The following TRIM14 variants were observed in gnomAD, a reference collection of about 807,000 sequenced individuals.
TRIM14 encodes tripartite motif-containing protein 14.
In TRIM14, 28 loss-of-function variants were observed where a neutral mutation model predicts 44.5. That is an observed-to-expected ratio of 0.63 (90% CI 0.47 to 0.86). The LOEUF (loss-of-function observed/expected upper bound fraction) is 0.86. Ranked by LOEUF, TRIM14 falls within the 40% of genes least tolerant of loss-of-function variation. TRIM14 has a pLI of 0.00. For missense variants in TRIM14, 607 were observed against 611.1 expected (o/e 0.99, Z 0.07); for synonymous variants, 299 against 269.2 (o/e 1.11, Z -1.08).
chr9:98,112,795 C>T (rs547855065), intron 1 of TRIM14, among the ~76,000 whole-genome samples: 5 of 65,416 alleles, frequency 7.6e-5, no homozygotes, highest in Admixed American at 7.4e-4. Flanking sequence ...AAGACTCAAT[C>T]TCAAAAAAAA....
chr9:98,052,839 C>A, the TRIM14 span, among the ~76,000 whole-genome samples: 3 of 152,138 alleles, frequency 2.0e-5, no homozygotes, highest in African/African-American at 7.2e-5. Flanking sequence ...GCCAGGACAG[C>A]CAATATTTCT....
In TRIM14 at chr9:98,076,640, G is replaced by A. The variant is rs1829605014; in HGVS notation, c.*29-6953C>T. 5.0e-5 allele frequency: 19 copies of A among 376,660 alleles called. No homozygotes were observed. In the South Asian group the frequency reaches 5.6e-4, roughly 11 times the overall value. 23.3% of individuals were successfully genotyped at this position (376,660 alleles called of 1,614,324 possible). A position where few individuals can be genotyped will look rare whatever the true frequency, so the allele number is the denominator to read the frequency against. On this transcript the variant is annotated intron_variant, in intron 6 of 6. Transcript: ENST00000375098. ...TCTGCCCGCCTCGGCCTCCCAAAGTGCAGGCATGAGCCACCACGCCCAGCC... is the reference window on the plus strand; with the variant it reads ...TCTGCCCGCCTCGGCCTCCCAAAGTACAGGCATGAGCCACCACGCCCAGCC...
intron 1 of TRIM14, among the ~76,000 whole-genome samples, chr9:98,118,110 A>T (rs1827118207): frequency 6.6e-6 from 1 of 152,000 alleles, no homozygotes; most frequent in Non-Finnish European, 1.5e-5. Flanking sequence ...ATCACAGAAG[A>T]CTTCTTGGAG....
intron 3 of TRIM14, 76 bp downstream of exon 3, chr9:98,099,855 G>C (rs1826323747): frequency 4.5e-6 from 6 of 1,329,750 alleles, no homozygotes; most frequent in Non-Finnish European, 6.4e-6. Flanking sequence ...TGTCAATACT[G>C]TGCTCAATGC....
In TRIM14 at chr9:98,087,864, A is replaced by T; in HGVS notation, c.935T>A (p.Leu312Gln). The T allele has an allele frequency of 6.4e-7, 1 of 1,564,538 alleles. No homozygotes were observed. Among genetic ancestry groups the T allele is most frequent in the South Asian group, 1.2e-5 (1 of 86,646 alleles). ...GCCGGTGGCGAAGCAGTCACGAGCC[A>T]GCACTTGCCAGAGCGCGTCGAACCG... ...VLRFDALWQVLARDCFATGRH... is the reference protein window; with the variant it reads ...VLRFDALWQVQARDCFATGRH... Residue 312 changes from leucine (L) to glutamine (Q), a missense_variant, in exon 6 of 6, where the codon CTG (leucine) becomes CAG (glutamine). Around this residue, in one of 3 missense-constraint regions of TRIM14, gnomAD observed 356 missense variants for 323.0 expected, o/e 1.10. Coordinates refer to ENST00000341469, the MANE Select transcript of TRIM14 (RefSeq NM_014788.4).
chr9:98,088,389 C>G (rs778135115), intron 5 of TRIM14, among the ~76,000 whole-genome samples: 19 of 151,932 alleles, frequency 1.3e-4, no homozygotes, highest in Admixed American at 2.6e-4. Flanking sequence ...GAGTCTCGCT[C>G]TGTTGCCCAG....
chr9:98,051,330 A>G, the TRIM14 span, among the ~76,000 whole-genome samples: 1 of 152,224 alleles, frequency 6.6e-6, no homozygotes, highest in Admixed American at 6.5e-5. Flanking sequence ...TTAACTAAGC[A>G]GTCTTTCCAC....
At chr9:98,062,969 C>G in the TRIM14 span, among the ~76,000 whole-genome samples, 1 of 151,890 alleles carries the variant, frequency 6.6e-6, no homozygotes, top group Non-Finnish European at 1.5e-5. Flanking sequence ...TGGAGTCTCA[C>G]TCTGTCACCC....
chr9:98,109,538 C>T (rs1004071049), intron 2 of TRIM14, among the ~76,000 whole-genome samples: 1 of 152,158 alleles, frequency 6.6e-6, no homozygotes, highest in African/African-American at 2.4e-5. Flanking sequence ...AAAGAGATAT[C>T]TGCATATTCC....
chr9:98,102,264 T>A (rs921276373), intron 2 of TRIM14, among the ~76,000 whole-genome samples: 1 of 152,164 alleles, frequency 6.6e-6, no homozygotes, highest in African/African-American at 2.4e-5. Flanking sequence ...TTGCAGACAG[T>A]CTTCTTTCTG....
chr9:98,090,626 C>T (rs944791151), intron 5 of TRIM14, among the ~76,000 whole-genome samples: 18 of 143,652 alleles, frequency 1.3e-4, no homozygotes, highest in African/African-American at 3.7e-4. Context: ...TGCAGTAGTG[C>T]GACCTCGGCT....
In TRIM14 at chr9:98,084,565, T is replaced by C. The variant is rs1825696803; in HGVS notation, c.*2905A>G. 1 of 152,244 alleles carries C rather than the reference T, an allele frequency of 6.6e-6. No homozygotes were observed. The highest frequency in any genetic ancestry group is 2.4e-5 in the African/African-American group (1 of 41,452). 9.4% of individuals were successfully genotyped at this position (152,244 alleles called of 1,614,324 possible). A position where few individuals can be genotyped will look rare whatever the true frequency, so the allele number is the denominator to read the frequency against. On this transcript the variant is annotated 3_prime_UTR_variant, in exon 6 of 6. Transcript: ENST00000341469. Reference sequence around the variant, plus strand: ...AGAATATTCTAGTAGCTCCTGCTGCTGCCACATGGCAGCTGGGAATACCAG... The same window carrying C: ...AGAATATTCTAGTAGCTCCTGCTGCCGCCACATGGCAGCTGGGAATACCAG...
the TRIM14 span, among the ~76,000 whole-genome samples, chr9:98,045,890 T>C: frequency 6.6e-6 from 1 of 152,136 alleles, no homozygotes. Context: ...CTTTGAGCTC[T>C]CCGAGTTTCT....
the TRIM14 span, among the ~76,000 whole-genome samples, chr9:98,037,837 T>G: frequency 2.6e-5 from 4 of 152,096 alleles, no homozygotes; most frequent in African/African-American, 9.7e-5. Context: ...TTCTCCAAAC[T>G]AAGTTCTTCC....
chr9:98,087,937 T>C lies in TRIM14; in HGVS notation c.862A>G (p.Thr288Ala). 1 of 1,566,834 alleles carries C rather than the reference T, an allele frequency of 6.4e-7. No homozygotes were observed. The highest frequency in any genetic ancestry group is 8.6e-7 in the Non-Finnish European group (1 of 1,166,746). ...ARLRLSADRLTVRCGLLGSLG... is the reference protein window; with the variant it reads ...ARLRLSADRLAVRCGLLGSLG... ...CTGCCCAGCAGGCCGCAGCGCACCG[T>C]CAGGCGATCGGCGGACAGGCGCAGG... Residue 288 changes from threonine (T) to alanine (A), a missense_variant, in exon 6 of 6, where the codon ACG (threonine) becomes GCG (alanine). Transcript: ENST00000341469.
intron 5 of TRIM14, among the ~76,000 whole-genome samples, chr9:98,091,254 A>G (rs1213708841): frequency 2.0e-5 from 3 of 152,242 alleles, no homozygotes; most frequent in African/African-American, 7.2e-5. Flanking sequence ...AATATGACAC[A>G]TCCATTCAAT....
intron 5 of TRIM14, among the ~76,000 whole-genome samples, chr9:98,090,616 T>G (rs2118255187): frequency 6.8e-6 from 1 of 147,024 alleles, no homozygotes; most frequent in East Asian, 2.0e-4. Flanking sequence ...CAGGCTGGAG[T>G]GCAGTAGTGC....
Position 98,099,919 on chromosome 9 carries a change from C to T in TRIM14, c.537+12G>A. On this transcript the variant is annotated intron_variant, in intron 3 of 5. Transcript: ENST00000341469. ...CAGGTGGCAGCAGTAAGAGCAGTGA[C>T]CCCAGCATTACCTGAAGCCTCTGGA... 6.2e-7 allele frequency: 1 copy of T among 1,608,718 alleles called. No individual in the cohort carries two copies. The highest frequency in any genetic ancestry group is 8.5e-7 in the Non-Finnish European group (1 of 1,176,746).
At chr9:98,076,041 A>G (rs1464174917) in intron 6 of TRIM14, 2 of 152,030 alleles carry the variant, frequency 1.3e-5, no homozygotes, top group African/African-American at 4.8e-5. Flanking sequence ...TCAAGCAGTG[A>G]CGTTATATCT....
Sources: gnomAD v4.1 joint callset for allele counts (sites outside exome capture counted in the v4.1 genomes callset) on GRCh38, gnomAD v4.1.1 for gene constraint, gnomAD v4.1.1 regional missense constraint, MANE v1.5 for transcripts, NCBI Gene and HGNC (gene_info 2026-07-23, HGNC 2026-07-21) for gene names.